TENM4: variants seen among roughly 807,000 people sequenced by gnomAD.
TENM4 encodes the protein teneurin transmembrane protein 4, also known as teneurin-4.
In TENM4, 82 loss-of-function variants were observed where a neutral mutation model predicts 243.3. The ratio of observed to expected loss-of-function variants is 0.34; its 90% CI spans 0.28 to 0.40. TENM4 has a LOEUF of 0.40. TENM4 is among the 10% of genes least tolerant of loss of function. The pLI is 1.00. For synonymous variants in TENM4, 1,412 were observed against 1,456.3 expected (o/e 0.97, Z 0.69); for missense variants, 3,138 against 3,673.3 (o/e 0.85, Z 3.77).
intron 4 of TENM4, among the ~76,000 whole-genome samples, chr11:79,132,345 C>CAAAAAAAAAAAAAAAAAAAAAAAAAAA (rs569082783): frequency 8.0e-5 from 4 of 49,950 alleles, no homozygotes; most frequent in Admixed American, 2.6e-4. Flanking sequence ...GACTCCAACT[C>CAAAAAAAAAAAAAAAAAAAAAAAAAAA]AAAAAAAAAA....
rs150885274 is a variant in TENM4 at position 78,967,442 on chromosome 11, T to C, written c.494-63919A>G. ...CTAGAAAAAGGAAATCAGACCTTAA[T>C]TGGGGAGTCATGGAAATTTTTAAAG... On this transcript the variant is annotated intron_variant, in intron 6 of 33. Transcript: ENST00000278550. Among the ~76,000 whole-genome samples the C allele has an allele frequency of 5.3e-4, 80 of 152,210 alleles. 1 individual carries two copies. Among genetic ancestry groups the C allele is most frequent in the Admixed American group, 1.7e-3 (26 of 15,296 alleles).
chr11:78,802,630 A>T (rs910207922), intron 15 of TENM4, among the ~76,000 whole-genome samples: 1 of 152,228 alleles, frequency 6.6e-6, no homozygotes, highest in Non-Finnish European at 1.5e-5. Flanking sequence ...TGGCTCATGC[A>T]AGTCACGGCC....
intron 6 of TENM4, among the ~76,000 whole-genome samples, chr11:78,975,994 C>T (rs1203251508): frequency 6.6e-6 from 1 of 152,174 alleles, no homozygotes; most frequent in Non-Finnish European, 1.5e-5. Flanking sequence ...CCGGTGGGTA[C>T]CAGTCTGGGT....
chr11:78,914,089 C>T (rs373853086), intron 6 of TENM4, among the ~76,000 whole-genome samples: 49 of 152,214 alleles, frequency 3.2e-4, no homozygotes, highest in South Asian at 4.1e-4. Flanking sequence ...CCCAATCACA[C>T]GGTGTATTCA....
chr11:78,992,872 A>G (rs1451258937), intron 6 of TENM4, among the ~76,000 whole-genome samples: 1 of 152,186 alleles, frequency 6.6e-6, no homozygotes, highest in African/African-American at 2.4e-5. Flanking sequence ...TTACCACAGC[A>G]CCAGGCATTC....
At chr11:79,066,948 C>T (rs1860276151) in intron 5 of TENM4, among the ~76,000 whole-genome samples, 1 of 152,162 alleles carries the variant, frequency 6.6e-6, no homozygotes. Flanking sequence ...AGCCTTGATG[C>T]CAGGTTACAG....
chr11:78,668,907 T>C, intron 32 of TENM4, 30 bp downstream of exon 32: 1 of 1,593,426 alleles, frequency 6.3e-7, no homozygotes, highest in East Asian at 2.2e-5. Flanking sequence ...CTTTATGGGG[T>C]CCTGCCCCTG....
At chr11:78,660,738 T>C (rs1858010557) in intron 33 of TENM4, among the ~76,000 whole-genome samples, 2 of 152,202 alleles carry the variant, frequency 1.3e-5, no homozygotes, top group African/African-American at 4.8e-5. Context: ...TGGGTTCTCA[T>C]AGAGAATTTA....
chr11:79,159,911 C>A (rs1194820806), intron 3 of TENM4, among the ~76,000 whole-genome samples: 3 of 152,222 alleles, frequency 2.0e-5, no homozygotes, highest in Non-Finnish European at 4.4e-5. Context: ...TCCTCAAAAT[C>A]ACACTTGTTC....
chr11:79,316,431 T>C (rs1856803287), intron 1 of TENM4, among the ~76,000 whole-genome samples: 1 of 152,174 alleles, frequency 6.6e-6, no homozygotes. Flanking sequence ...TGGGTACAGC[T>C]TGGCGAATGT....
chr11:79,321,337 A>G (rs1162716743), intron 1 of TENM4, among the ~76,000 whole-genome samples: 1 of 152,196 alleles, frequency 6.6e-6, no homozygotes, highest in Admixed American at 6.5e-5. Flanking sequence ...TTTCAGGCAA[A>G]TAAACAGCCT....
At chr11:79,063,659 A>G (rs1017024976) in intron 6 of TENM4, among the ~76,000 whole-genome samples, 1 of 152,198 alleles carries the variant, frequency 6.6e-6, no homozygotes, top group African/African-American at 2.4e-5. Context: ...CCCCCCAGGC[A>G]ATAGTCTCCA....
chr11:78,765,577 T>C (rs1246947082), intron 18 of TENM4, among the ~76,000 whole-genome samples: 1 of 152,238 alleles, frequency 6.6e-6, no homozygotes, highest in African/African-American at 2.4e-5. Flanking sequence ...TTAAAGATCC[T>C]TTATCAGAAG....
intron 1 of TENM4, among the ~76,000 whole-genome samples, chr11:79,316,400 T>A (rs1317182561): frequency 6.6e-6 from 1 of 152,116 alleles, no homozygotes; most frequent in East Asian, 1.9e-4. Context: ...ATTGAATGAA[T>A]ATCAAATGAT....
At position 79,438,029 on chromosome 11, in the gene TENM4, T is replaced by G. The variant is rs540426389; in HGVS notation, c.-321+2480A>C. Among the ~76,000 whole-genome samples the G allele has an allele frequency of 9.3e-4, 141 of 152,232 alleles. 1 individual carries two copies. Among genetic ancestry groups the G allele is most frequent in the Non-Finnish European group, 1.6e-3 (108 of 68,004 alleles). ...CAGGTCTGCGGGAGGGAGGATTTAT[T>G]TTACAGCAAGGAACAGATTCAGACA... On this transcript the variant is annotated intron_variant, in intron 1 of 33. Coordinates refer to ENST00000278550, the MANE Select transcript of TENM4 (RefSeq NM_001098816.3). This position sits in a 1 kb window ranked among gnomAD's most constrained non-coding sequence, Gnocchi z 4.1.
At chr11:79,080,148 A>G (rs976439542) in intron 4 of TENM4, among the ~76,000 whole-genome samples, 2 of 152,104 alleles carry the variant, frequency 1.3e-5, no homozygotes, top group Admixed American at 6.5e-5. Flanking sequence ...CAGATTTAAC[A>G]TATCTCCCAC....
chr11:78,766,769 C>T (rs1399495337), intron 18 of TENM4, among the ~76,000 whole-genome samples: 1 of 149,186 alleles, frequency 6.7e-6, no homozygotes, highest in Non-Finnish European at 1.5e-5. Flanking sequence ...GAGGCACAAT[C>T]TCAGCTCACT....
intron 12 of TENM4, among the ~76,000 whole-genome samples, chr11:78,823,342 G>A (rs1164163771): frequency 6.6e-6 from 1 of 152,226 alleles, no homozygotes; most frequent in Admixed American, 6.5e-5. Context: ...ACCCGGCTGA[G>A]CACCTGACCC....
At chr11:78,788,050 C>A (rs1227553830) in intron 15 of TENM4, among the ~76,000 whole-genome samples, 4 of 152,246 alleles carry the variant, frequency 2.6e-5, no homozygotes, top group Non-Finnish European at 5.9e-5. Flanking sequence ...CGTGGCCCCA[C>A]ATGCTTCAAA....
Sources: allele counts gnomAD v4.1 joint callset (sites outside exome capture counted in the v4.1 genomes callset), GRCh38; gene constraint gnomAD v4.1.1; non-coding constraint Gnocchi (gnomAD v3.1); transcripts MANE v1.5; gene names NCBI Gene and HGNC (gene_info 2026-07-23, HGNC 2026-07-21).